Variants in GTF2E2 observed in about 807,000 individuals in gnomAD.
The protein encoded by GTF2E2 is general transcription factor IIE subunit 2.
In GTF2E2, 21 loss-of-function variants were observed where a neutral mutation model predicts 40.5. The ratio of observed to expected loss-of-function variants is 0.52; its 90% CI spans 0.37 to 0.75. The LOEUF is 0.75. Ranked by LOEUF, GTF2E2 falls within the 30% of genes least tolerant of loss-of-function variation. GTF2E2 has a pLI of 0.00. For missense variants in GTF2E2, 298 were observed against 338.4 expected (o/e 0.88, Z 0.94); for synonymous variants, 117 against 121.6 (o/e 0.96, Z 0.25).
intron 6 of GTF2E2, among the ~76,000 whole-genome samples, chr8:30,598,136 T>C (rs1829066033): frequency 6.6e-6 from 1 of 152,236 alleles, no homozygotes; most frequent in Non-Finnish European, 1.5e-5. Context: ...CTTCTCTTTG[T>C]ATAACAATAA....
chr8:30,594,684 C>A (rs1427450453), intron 6 of GTF2E2, among the ~76,000 whole-genome samples: 1 of 151,740 alleles, frequency 6.6e-6, no homozygotes, highest in Non-Finnish European at 1.5e-5. Context: ...ATGAAGAAAT[C>A]CTGTCTCTAC....
At chr8:30,645,086 A>G (rs1211420152) in intron 2 of GTF2E2, among the ~76,000 whole-genome samples, 1 of 152,206 alleles carries the variant, frequency 6.6e-6, no homozygotes, top group African/African-American at 2.4e-5. Flanking sequence ...AGCAAATAAT[A>G]TATGTTAAAA....
At chr8:30,649,617 G>A (rs1247628476) in intron 2 of GTF2E2, among the ~76,000 whole-genome samples, 2 of 152,186 alleles carry the variant, frequency 1.3e-5, no homozygotes, top group African/African-American at 2.4e-5. Flanking sequence ...AGCTGAGGCA[G>A]GCAGATCACC....
intron 6 of GTF2E2, chr8:30,584,804 C>A (rs1162296985): frequency 6.6e-6 from 1 of 152,200 alleles, no homozygotes; most frequent in East Asian, 1.9e-4. Context: ...GATGGCCTGG[C>A]TGTGACCTCA....
At chr8:30,600,891 TCA>T (rs1491587021) in intron 6 of GTF2E2, among the ~76,000 whole-genome samples, 1 of 152,184 alleles carries the variant, frequency 6.6e-6, no homozygotes, top group Non-Finnish European at 1.5e-5. Context: ...GTGTGCGCAC[TCA>T]GAGTTCCTCT....
intron 2 of GTF2E2, chr8:30,645,551 G>T: frequency 6.5e-7 from 1 of 1,535,638 alleles, no homozygotes; most frequent in Non-Finnish European, 8.7e-7. Flanking sequence ...AACCCTCTTA[G>T]AAGTATGATG....
At chr8:30,583,237 GGC>G (rs1828563248) in intron 6 of GTF2E2, among the ~76,000 whole-genome samples, 2 of 152,190 alleles carry the variant, frequency 1.3e-5, no homozygotes, top group African/African-American at 4.8e-5. Context: ...AGAAGGCTGA[GGC>G]AGGAAAATCA....
chr8:30,604,879 GT>G (rs1203892482), intron 6 of GTF2E2, among the ~76,000 whole-genome samples: 1 of 152,096 alleles, frequency 6.6e-6, no homozygotes, highest in Non-Finnish European at 1.5e-5. Context: ...ATGAAAACGG[GT>G]AATATTAAGG....
intron 6 of GTF2E2, among the ~76,000 whole-genome samples, chr8:30,588,147 T>G (rs535132352): frequency 1.3e-5 from 2 of 152,192 alleles, no homozygotes; most frequent in African/African-American, 4.8e-5. Context: ...GTAGCCATTA[T>G]GGAAAACTGT....
intron 6 of GTF2E2, among the ~76,000 whole-genome samples, chr8:30,586,828 A>G (rs1828700747): frequency 6.6e-6 from 1 of 152,252 alleles, no homozygotes; most frequent in African/African-American, 2.4e-5. Context: ...AAATGAGGCC[A>G]CTGTCTCACA....
intron 2 of GTF2E2, chr8:30,645,353 A>C (rs1342510464): frequency 1.3e-6 from 2 of 1,535,698 alleles, no homozygotes; most frequent in Non-Finnish European, 1.7e-6. Context: ...TCTGTTTATC[A>C]GTACCTTGGT....
At chr8:30,627,725 ACT>A (rs1491534291) in intron 3 of GTF2E2, among the ~76,000 whole-genome samples, 18 of 152,332 alleles carry the variant, frequency 1.2e-4, no homozygotes, top group Admixed American at 3.9e-4. Context: ...AGACCAGTAT[ACT>A]TGAGCACCTA....
intron 6 of GTF2E2, among the ~76,000 whole-genome samples, chr8:30,606,107 T>A (rs1270902241): frequency 6.6e-6 from 1 of 152,220 alleles, no homozygotes; most frequent in East Asian, 1.9e-4. Flanking sequence ...TAGCATAAGT[T>A]CACTACATAC....
At chr8:30,595,371 TAAA>T (rs763938410) in intron 6 of GTF2E2, among the ~76,000 whole-genome samples, 1 of 152,210 alleles carries the variant, frequency 6.6e-6, no homozygotes, top group Non-Finnish European at 1.5e-5. Context: ...TTTTAAATAA[TAAA>T]AACTCTATCT....
chr8:30,606,209 C>A (rs992459179), intron 6 of GTF2E2, among the ~76,000 whole-genome samples: 3 of 152,096 alleles, frequency 2.0e-5, no homozygotes, highest in Non-Finnish European at 4.4e-5. Flanking sequence ...TTATTGTGAA[C>A]CAATTACATG....
intron 2 of GTF2E2, among the ~76,000 whole-genome samples, chr8:30,639,635 T>A (rs1425554097): frequency 1.3e-5 from 2 of 152,202 alleles, no homozygotes; most frequent in African/African-American, 4.8e-5. Context: ...TCTAATTTTA[T>A]ACTATTCAAG....
intron 2 of GTF2E2, among the ~76,000 whole-genome samples, chr8:30,637,829 T>C (rs1370608009): frequency 6.6e-6 from 1 of 152,226 alleles, no homozygotes; most frequent in Non-Finnish European, 1.5e-5. Flanking sequence ...CCTTCATCTA[T>C]AATTTTAAAA....
intron 3 of GTF2E2, among the ~76,000 whole-genome samples, chr8:30,628,676 A>G (rs1315792598): frequency 6.6e-6 from 1 of 152,228 alleles, no homozygotes; most frequent in Non-Finnish European, 1.5e-5. Flanking sequence ...TCACGCCTGT[A>G]ATCCCAGCAT....
chr8:30,604,878 G>A (rs974050438), intron 6 of GTF2E2, among the ~76,000 whole-genome samples: 4 of 152,016 alleles, frequency 2.6e-5, no homozygotes, highest in South Asian at 2.1e-4. Context: ...AATGAAAACG[G>A]GTAATATTAA....
Sources: gnomAD v4.1 joint callset for allele counts (sites outside exome capture counted in the v4.1 genomes callset) on GRCh38, gnomAD v4.1.1 for gene constraint, MANE v1.5 for transcripts, NCBI Gene and HGNC (gene_info 2026-07-23, HGNC 2026-07-21) for gene names.